The following SPTA1 variants were observed in gnomAD, a reference collection of about 807,000 sequenced individuals.
SPTA1 encodes the protein spectrin alpha, erythrocytic 1.
In SPTA1, 177 loss-of-function variants were observed where a neutral mutation model predicts 324.7. The observed-to-expected ratio is 0.55, with a 90% CI of 0.48 to 0.62. The LOEUF is 0.62. Among genes scored for constraint, SPTA1 ranks in the 20% least tolerant of loss-of-function variants. SPTA1 has a pLI of 0.00. For synonymous variants in SPTA1, 1,195 were observed against 1,041.3 expected, an observed-to-expected ratio of 1.15 and a Z score of -2.84; for missense variants, 3,162 against 2,883.6, an observed-to-expected ratio of 1.10 and a Z score of -2.21.
chr1:158,621,102 T>C (rs1649882539), intron 43 of SPTA1, among the ~76,000 whole-genome samples: 1 of 152,190 alleles, frequency 6.6e-6, no homozygotes, highest in Admixed American at 6.5e-5. Context: ...TTAGCACAAA[T>C]ATATGTATCA....
Position 158,657,469 on chromosome 1 carries a change from C to A in SPTA1, c.2805+8G>T, listed in dbSNP as rs1003319395. The A allele has an allele frequency of 1.3e-6, 2 of 1,531,988 alleles. No individual in the cohort carries two copies. Among genetic ancestry groups the A allele is most frequent in the South Asian group, 1.1e-5 (1 of 89,356 alleles). The allele number at this position is 1,531,988 out of a possible 1,614,324, so 94.9% of individuals were successfully genotyped here. ...GGATTCACAATGTTAAACCCACCCCCACCTTACCCCAGCTGCTTCTTCATC... is the reference window on the plus strand; with the variant it reads ...GGATTCACAATGTTAAACCCACCCCAACCTTACCCCAGCTGCTTCTTCATC... On this transcript the variant is annotated splice_region_variant and intron_variant, in intron 19 of 51. Coordinates refer to ENST00000643759, the MANE Select transcript of SPTA1 (RefSeq NM_003126.4).
chr1:158,649,866 C>T lies in SPTA1; in HGVS notation c.3559G>A (p.Val1187Met). 6.2e-7 allele frequency: 1 copy of T among 1,613,530 alleles called. No homozygotes were observed. The highest frequency in any genetic ancestry group is 8.5e-7 in the Non-Finnish European group (1 of 1,179,634). Residue 1187 changes from valine (V) to methionine (M), a missense_variant, in exon 25 of 52, where the codon GTG becomes ATG. Physicochemically the swap from Val to Met is conservative, Grantham distance 21 (BLOSUM62 1). Transcript: ENST00000643759. ...AGTTATAATTATTACCTGTGAAACA[C>T]TTCAACAGCATGGGCACTGCCCAGC... The part of the protein sequence containing the change: ...QLLGSAHAVE[V>M]FHREADDTKE...
In SPTA1 at chr1:158,611,257, C is replaced by T. The variant is rs1348516433; in HGVS notation, c.*7G>A. The T allele has an allele frequency of 3.7e-6, 6 of 1,613,436 alleles. No individual in the cohort carries two copies. Among genetic ancestry groups the T allele is most frequent in the South Asian group, 1.1e-5 (1 of 91,072 alleles). Reference sequence around the variant, plus strand: ...AAGATTTTCTACGATCCACGAGGAGCTGCTTATTAGTTGCCAAAGTAGGAA... The same window carrying T: ...AAGATTTTCTACGATCCACGAGGAGTTGCTTATTAGTTGCCAAAGTAGGAA... On this transcript the variant is annotated 3_prime_UTR_variant, in exon 52 of 52. Transcript: ENST00000643759.
In SPTA1 at chr1:158,684,832, A is replaced by G. The variant is rs2779115; in HGVS notation, c.264+276T>C. 0.97 allele frequency among the ~76,000 whole-genome samples: 148,321 copies of G among 152,302 alleles called. 72,328 individuals carry two copies. Among genetic ancestry groups the G allele is most frequent in the East Asian group, 1 (5,180 of 5,180 alleles). ...TATTCTGAATGGAAGTTCATTGTAA[A>G]AAACAGTTCTGTGCTTTCAACAACT... On this transcript the variant is annotated intron_variant, in intron 2 of 51. Transcript: ENST00000643759.
Position 158,669,417 on chromosome 1 carries a change from T to C in SPTA1, c.1824A>G (p.Glu608=). 6.2e-7 allele frequency: 1 copy of C among 1,614,158 alleles called. No individual in the cohort carries two copies. Among genetic ancestry groups the C allele is most frequent in the East Asian group, 2.2e-5 (1 of 44,886 alleles). ...TGAAAACTCTGCCTACCTTGTAATC[T>C]TCATCATCTGCCAACTTTTTCTTCT... ...INKKKKLADD[E]DYKDIQNLKS... is the part of the protein sequence containing the mutation. Residue 608 remains glutamate (E), a synonymous_variant, in exon 14 of 52, where the codon GAA becomes GAG. Coordinates refer to ENST00000643759, the MANE Select transcript of SPTA1 (RefSeq NM_003126.4).
chr1:158,636,543 C>T lies in SPTA1; in HGVS notation c.5310+98G>A, dbSNP rs1651086553. ...ACTAACTCTCTCTGACCTTGACATC[C>T]TATTTTCACGTTTTGTAGCACCCTC... On this transcript the variant is annotated intron_variant, in intron 37 of 51. Transcript: ENST00000643759. The T allele has an allele frequency of 4.3e-6, 6 of 1,396,350 alleles. No homozygotes were observed. In the South Asian group the frequency reaches 5.8e-5, roughly 14 times the overall value. 86.5% of individuals were successfully genotyped at this position (1,396,350 alleles called of 1,614,324 possible).
Position 158,652,516 on chromosome 1 carries a change from T to C in SPTA1, c.3326A>G (p.Glu1109Gly). 1 of 1,614,180 alleles carries C rather than the reference T, an allele frequency of 6.2e-7. No homozygotes were observed. The highest frequency in any genetic ancestry group is 8.5e-7 in the Non-Finnish European group (1 of 1,180,034). Reference sequence around the variant, plus strand: ...CTGCAGCTCCCAAACATCATCTAGTTCCACTCCAGTGTTTTCTGCCTTTTT... The same window carrying C: ...CTGCAGCTCCCAAACATCATCTAGTCCCACTCCAGTGTTTTCTGCCTTTTT... ...QEKKAENTGVELDDVWELQKK... is the reference protein window; with the variant it reads ...QEKKAENTGVGLDDVWELQKK... The change falls in exon 23 of 52, where the codon GAA becomes GGA. Residue 1109 changes from glutamate (E) to glycine (G), a missense_variant. Glu to Gly is a moderately conservative substitution (Grantham distance 98). Coordinates refer to ENST00000643759, the MANE Select transcript of SPTA1 (RefSeq NM_003126.4).
At chr1:158,648,940 G>A (rs1479249798) in intron 25 of SPTA1, among the ~76,000 whole-genome samples, 1 of 152,140 alleles carries the variant, frequency 6.6e-6, no homozygotes, top group African/African-American at 2.4e-5. Context: ...CTGAATGGTG[G>A]AGCCTAAGCT....
In SPTA1 at chr1:158,638,229, C is replaced by T. The variant is rs1451099173; in HGVS notation, c.4993G>A (p.Asp1665Asn). 6.2e-7 allele frequency: 1 copy of T among 1,612,478 alleles called. No individual in the cohort carries two copies. The highest frequency in any genetic ancestry group is 1.7e-5 in the Admixed American group (1 of 59,926). Residue 1665 changes from aspartate to asparagine, a missense_variant, in exon 36 of 52, where the codon GAC becomes AAC. Asp to Asn is a conservative substitution (Grantham distance 23, BLOSUM62 1). Coordinates refer to ENST00000643759, the MANE Select transcript of SPTA1 (RefSeq NM_003126.4). Reference sequence around the variant, plus strand: ...AAATCTTCAGCCAATGTATTCAGGTCCTTGAGTGCATCCTAGAAAGTCTCG... The same window carrying T: ...AAATCTTCAGCCAATGTATTCAGGTTCTTGAGTGCATCCTAGAAAGTCTCG... ...EMLAREDALK[D>N]LNTLAEDLLS...
chr1:158,677,881 A>T (rs777897323), intron 6 of SPTA1, 47 bp from the exon 7 acceptor site: 1 of 1,611,758 alleles, frequency 6.2e-7, no homozygotes, highest in African/African-American at 1.3e-5. Flanking sequence ...AGCAAGCATT[A>T]CAGGGCAAAC....
At position 158,662,698 on chromosome 1, in the gene SPTA1, T is replaced by C; in HGVS notation, c.2464+4A>G. 3 of 1,613,770 alleles carry C rather than the reference T, an allele frequency of 1.9e-6. No homozygotes were observed. The highest frequency in any genetic ancestry group is 2.5e-6 in the Non-Finnish European group (3 of 1,179,936). Reference sequence around the variant, plus strand: ...GTGGCTCAGCCTGCTCAGGCTGTACTAACCAAGGTAGGTGGAAGTAGCTGA... The same window carrying C: ...GTGGCTCAGCCTGCTCAGGCTGTACCAACCAAGGTAGGTGGAAGTAGCTGA... On this transcript the variant is annotated splice_donor_region_variant and intron_variant, in intron 17 of 51. Transcript: ENST00000643759.
Position 158,669,767 on chromosome 1 carries a change from G to T in SPTA1, c.1619C>A (p.Thr540Asn), listed in dbSNP as rs755070607. 1.2e-6 allele frequency: 2 copies of T among 1,614,048 alleles called. No homozygotes were observed. Among genetic ancestry groups the T allele is most frequent in the African/African-American group, 2.7e-5 (2 of 74,998 alleles). Reference sequence around the variant, plus strand: ...ATAATGGTCATCACCAATCAATTTGGTTGCAGTCTTGTCTACAGTCTGAAA... The same window carrying T: ...ATAATGGTCATCACCAATCAATTTGTTTGCAGTCTTGTCTACAGTCTGAAA... ...EKIITVDKTATKLIGDDHYDS... is the reference protein window; with the variant it reads ...EKIITVDKTANKLIGDDHYDS... Residue 540 changes from threonine to asparagine, a missense_variant, in exon 13 of 52, where the codon ACC (threonine) becomes AAC (asparagine). Coordinates refer to ENST00000643759, the MANE Select transcript of SPTA1 (RefSeq NM_003126.4).
intron 17 of SPTA1, among the ~76,000 whole-genome samples, chr1:158,662,264 G>A (rs537222651): frequency 1.3e-5 from 2 of 152,258 alleles, no homozygotes; most frequent in Non-Finnish European, 2.9e-5. Flanking sequence ...CGACACTGGT[G>A]AACTAGCAGC....
At chr1:158,618,120 A>G in intron 45 of SPTA1, 64 bp from the exon 46 acceptor site, 1 of 1,471,800 alleles carries the variant, frequency 6.8e-7, no homozygotes, top group Non-Finnish European at 9.5e-7. Context: ...GTTAAAATGG[A>G]TTACTTTAAA....
At chr1:158,635,107 G>A (rs1462786894) in intron 38 of SPTA1, among the ~76,000 whole-genome samples, 1 of 152,074 alleles carries the variant, frequency 6.6e-6, no homozygotes, top group Non-Finnish European at 1.5e-5. Context: ...ACTACAGACA[G>A]AAATCGTTAT....
chr1:158,634,812 C>A, intron 38 of SPTA1, 137 bp from the exon 39 acceptor site: 1 of 956,474 alleles, frequency 1.0e-6, no homozygotes, highest in Non-Finnish European at 1.6e-6. Flanking sequence ...GGCCTCAACA[C>A]AGTATAATAG....
At chr1:158,668,092 C>G (rs774946152) in intron 14 of SPTA1, 30 bp from the exon 15 acceptor site, 2 of 1,296,482 alleles carry the variant, frequency 1.5e-6, no homozygotes, top group Admixed American at 3.6e-5. Flanking sequence ...AAAAAAAAAA[C>G]CATTACCTGA....
chr1:158,662,664 C>G (rs150888038), intron 17 of SPTA1, 38 bp downstream of exon 17: 3 of 1,612,780 alleles, frequency 1.9e-6, no homozygotes, highest in African/African-American at 2.7e-5. Flanking sequence ...AGACCTTGGT[C>G]CTTTCCTAGT....
chr1:158,634,462 A>T (rs1650910308), intron 39 of SPTA1, 81 bp downstream of exon 39: 16 of 1,569,098 alleles, frequency 1.0e-5, no homozygotes, highest in African/African-American at 4.0e-5. Context: ...ATGTCCTAAT[A>T]TTACAGGTAA....
Sources: gnomAD v4.1 joint callset for allele counts (sites outside exome capture counted in the v4.1 genomes callset) on GRCh38, gnomAD v4.1.1 for gene constraint, MANE v1.5 for transcripts, NCBI Gene and HGNC (gene_info 2026-07-23, HGNC 2026-07-21) for gene names.